Variants in METTL15 observed in about 807,000 individuals in gnomAD.
METTL15 encodes the protein 12S rRNA N(4)-cytidine methyltransferase METTL15.
In METTL15, 34 loss-of-function variants were observed where a neutral mutation model predicts 38.3. The ratio of observed to expected loss-of-function variants is 0.89; its 90% CI spans 0.68 to 1.18. The LOEUF (loss-of-function observed/expected upper bound fraction) is 1.18. METTL15 is among the 50% of genes most tolerant of loss of function. The probability of loss-of-function intolerance (pLI) is 0.00; values close to 1 mark genes in which losing one functional copy is unlikely to be tolerated. For missense variants in METTL15, 438 were observed against 498.4 expected (o/e 0.88, Z 1.15); for synonymous variants, 162 against 170.9 (o/e 0.95, Z 0.41).
At chr11:28,148,188 T>G (rs1849954987) in intron 3 of METTL15, among the ~76,000 whole-genome samples, 1 of 151,938 alleles carries the variant, frequency 6.6e-6, no homozygotes, top group Admixed American at 6.6e-5. Flanking sequence ...ATTTATTAAC[T>G]GGATGTTTAG....
chr11:28,170,493 A>C (rs1284557347), intron 3 of METTL15, among the ~76,000 whole-genome samples: 9 of 152,046 alleles, frequency 5.9e-5, no homozygotes, highest in Admixed American at 5.2e-4. Context: ...AAGAATGGCT[A>C]CTCCATAGGC....
intron 4 of METTL15, among the ~76,000 whole-genome samples, chr11:28,288,819 A>C (rs1159572355): frequency 3.3e-5 from 5 of 152,156 alleles, no homozygotes; most frequent in African/African-American, 1.2e-4. Flanking sequence ...TTAAAAGTTA[A>C]ATAAAATAAA....
chr11:28,508,128 T>C (rs1383449979), intron 6 of METTL15, among the ~76,000 whole-genome samples: 1 of 152,174 alleles, frequency 6.6e-6, no homozygotes, highest in African/African-American at 2.4e-5. Context: ...TTCAAACTTA[T>C]TTCCTGCTCA....
chr11:28,151,655 C>T (rs902226119), intron 3 of METTL15, among the ~76,000 whole-genome samples: 3 of 151,984 alleles, frequency 2.0e-5, no homozygotes, highest in Non-Finnish European at 4.4e-5. Context: ...GGAGTTATTA[C>T]ACTTTTTGTA....
intron 6 of METTL15, among the ~76,000 whole-genome samples, chr11:28,311,358 G>A (rs1857298339): frequency 6.6e-6 from 1 of 152,128 alleles, no homozygotes; most frequent in African/African-American, 2.4e-5. Context: ...TCAAGATTCA[G>A]TTCATATATT....
At chr11:28,183,057 TTGTC>T (rs1352267057) in intron 3 of METTL15, among the ~76,000 whole-genome samples, 2 of 152,042 alleles carry the variant, frequency 1.3e-5, no homozygotes, top group Non-Finnish European at 2.9e-5. Flanking sequence ...GGCTCTCTGT[TTGTC>T]TGTTATTGGT....
chr11:28,300,435 C>T (rs1856873461), intron 6 of METTL15, among the ~76,000 whole-genome samples: 1 of 152,100 alleles, frequency 6.6e-6, no homozygotes, highest in Non-Finnish European at 1.5e-5. Flanking sequence ...TCCTGTAAGT[C>T]ACGTGATTAA....
At chr11:28,137,800 T>TTC in intron 3 of METTL15, among the ~76,000 whole-genome samples, 1 of 151,724 alleles carries the variant, frequency 6.6e-6, no homozygotes. Flanking sequence ...TTTTTTTTTT[T>TTC]CAAAAAATAT....
At chr11:28,301,312 G>C (rs1170656569) in intron 6 of METTL15, among the ~76,000 whole-genome samples, 2 of 151,974 alleles carry the variant, frequency 1.3e-5, no homozygotes, top group African/African-American at 2.4e-5. Flanking sequence ...GCTAATTTCA[G>C]CTCATCCTTT....
chr11:28,194,444 C>A (rs958988213), intron 3 of METTL15, among the ~76,000 whole-genome samples: 10 of 151,722 alleles, frequency 6.6e-5, no homozygotes, highest in Admixed American at 1.3e-4. Flanking sequence ...AGGTGATGCA[C>A]CTGCCTTGGC....
chr11:28,149,139 G>C (rs960978100), intron 3 of METTL15, among the ~76,000 whole-genome samples: 2 of 151,146 alleles, frequency 1.3e-5, no homozygotes, highest in African/African-American at 2.4e-5. Flanking sequence ...TTTCAAGTAG[G>C]AGCTTGGTAC....
intron 6 of METTL15, among the ~76,000 whole-genome samples, chr11:28,429,567 C>T (rs1343398559): frequency 5.4e-5 from 5 of 93,380 alleles, no homozygotes; most frequent in Admixed American, 1.2e-4. Flanking sequence ...CTGTGTTGGC[C>T]GGGCCGGTCT....
At chr11:28,329,190 C>T (rs1002615543) in intron 6 of METTL15, among the ~76,000 whole-genome samples, 11 of 152,006 alleles carry the variant, frequency 7.2e-5, no homozygotes, top group African/African-American at 1.9e-4. Flanking sequence ...CAATTGCCTC[C>T]GCATCATTTG....
downstream of METTL15, among the ~76,000 whole-genome samples, chr11:28,337,298 G>C (rs1022615806): frequency 7.2e-5 from 11 of 151,960 alleles, 1 homozygote; most frequent in Non-Finnish European, 1.5e-5. Flanking sequence ...GAGTCTTGCT[G>C]TGATGCCCAG....
intron 5 of METTL15, among the ~76,000 whole-genome samples, chr11:28,380,765 C>T (rs552087276): frequency 1.1e-4 from 17 of 151,812 alleles, no homozygotes; most frequent in Admixed American, 2.6e-4. Flanking sequence ...TACAAATGTT[C>T]GTCTAGGAGA....
intron 3 of METTL15, among the ~76,000 whole-genome samples, chr11:28,117,579 C>G (rs965488572): frequency 1.3e-5 from 2 of 152,114 alleles, no homozygotes; most frequent in Non-Finnish European, 2.9e-5. Context: ...TCATTCTGTT[C>G]AAGTACCTAC....
At chr11:28,291,179 T>C (rs1375224248) in intron 5 of METTL15, among the ~76,000 whole-genome samples, 4 of 151,762 alleles carry the variant, frequency 2.6e-5, no homozygotes, top group African/African-American at 9.7e-5. Flanking sequence ...CCTGAGTAGC[T>C]GGGATTGCAG....
At chr11:28,463,190 C>T (rs1467782935) in intron 6 of METTL15, among the ~76,000 whole-genome samples, 1 of 152,060 alleles carries the variant, frequency 6.6e-6, no homozygotes, top group African/African-American at 2.4e-5. Flanking sequence ...CTGAAAATTT[C>T]CAGAACAATT....
chr11:28,341,107 G>T (rs946367814), intron 3 of METTL15, among the ~76,000 whole-genome samples: 10 of 152,132 alleles, frequency 6.6e-5, no homozygotes, highest in African/African-American at 2.2e-4. Flanking sequence ...ACTCATAAGT[G>T]GGAGTTGAAC....
Sources: allele counts gnomAD v4.1 joint callset (sites outside exome capture counted in the v4.1 genomes callset), GRCh38; gene constraint gnomAD v4.1.1; transcripts MANE v1.5; gene names NCBI Gene and HGNC (gene_info 2026-07-23, HGNC 2026-07-21).